The following PTPRD variants were observed in gnomAD, a reference collection of about 807,000 sequenced individuals.
The protein encoded by PTPRD is receptor-type tyrosine-protein phosphatase delta.
PTPRD carries 34 observed loss-of-function variants against 214.5 expected under a neutral mutation model. The ratio of observed to expected loss-of-function variants is 0.16; its 90% confidence interval spans 0.12 to 0.21. The LOEUF is 0.21. PTPRD is among the 10% of genes least tolerant of loss of function. PTPRD has a pLI of 1.00. For missense variants in PTPRD, 2,545 were observed against 2,398.7 expected (o/e 1.06, Z -1.27); for synonymous variants, 1,128 against 845.7 (o/e 1.33, Z -5.79).
chr9:9,692,258 G>A (rs1469664412), intron 7 of PTPRD, among the ~76,000 whole-genome samples: 2 of 151,556 alleles, frequency 1.3e-5, no homozygotes, highest in Non-Finnish European at 2.9e-5. Flanking sequence ...ATAGTTTGAG[G>A]TCTTAGATTT....
chr9:8,923,303 A>G (rs376860637), intron 11 of PTPRD, among the ~76,000 whole-genome samples: 8 of 151,906 alleles, frequency 5.3e-5, no homozygotes, highest in African/African-American at 1.9e-4. Flanking sequence ...CTGCCTCCCT[A>G]AGTGCTGGGA....
chr9:9,949,633 T>A (rs1269417022), intron 4 of PTPRD, among the ~76,000 whole-genome samples: 1 of 151,952 alleles, frequency 6.6e-6, no homozygotes, highest in African/African-American at 2.4e-5. Flanking sequence ...TACTACGGAG[T>A]AGGCATTTTC....
intron 2 of PTPRD, among the ~76,000 whole-genome samples, chr9:10,561,997 T>C (rs781150277): frequency 3.3e-5 from 5 of 152,176 alleles, no homozygotes; most frequent in Non-Finnish European, 7.4e-5. Flanking sequence ...AGAAGGAATA[T>C]TTAAGGCTAC....
intron 3 of PTPRD, among the ~76,000 whole-genome samples, chr9:10,115,643 G>GTT (rs59229223): frequency 0.039 from 5,833 of 151,368 alleles, 185 homozygotes; most frequent in Admixed American, 0.092. Context: ...AACTTTACAA[G>GTT]TTTTTTTTTC....
chr9:8,491,515 T>A (rs968333408), intron 27 of PTPRD, among the ~76,000 whole-genome samples: 1 of 152,184 alleles, frequency 6.6e-6, no homozygotes, highest in African/African-American at 2.4e-5. Flanking sequence ...AAATGTATTT[T>A]CTTCCATTTG....
intron 11 of PTPRD, among the ~76,000 whole-genome samples, chr9:8,931,951 G>T (rs942591898): frequency 7.2e-5 from 11 of 152,158 alleles, no homozygotes; most frequent in South Asian, 2.1e-4. Flanking sequence ...TATTTGCATA[G>T]AGGTATTTAT....
chr9:8,795,831 G>C (rs1263664195), intron 11 of PTPRD, among the ~76,000 whole-genome samples: 3 of 152,040 alleles, frequency 2.0e-5, no homozygotes, highest in African/African-American at 4.8e-5. Context: ...ATCTAGAGGA[G>C]AAGATTATTT....
chr9:9,689,841 A>G (rs1390274586), intron 7 of PTPRD, among the ~76,000 whole-genome samples: 3 of 151,816 alleles, frequency 2.0e-5, no homozygotes. Flanking sequence ...GCTGAATACC[A>G]TTTCATTATG....
chr9:9,000,167 C>T (rs529959552), intron 11 of PTPRD, among the ~76,000 whole-genome samples: 1 of 152,084 alleles, frequency 6.6e-6, no homozygotes, highest in South Asian at 2.1e-4. Flanking sequence ...GCTTTAAATT[C>T]CACCATTGGC....
chr9:9,157,026 A>G (rs1464957007), intron 10 of PTPRD, among the ~76,000 whole-genome samples: 1 of 152,222 alleles, frequency 6.6e-6, no homozygotes, highest in Non-Finnish European at 1.5e-5. Flanking sequence ...TTTGGACAAG[A>G]ATAAATAGCA....
At chr9:8,709,933 C>T (rs1450298215) in intron 12 of PTPRD, among the ~76,000 whole-genome samples, 3 of 152,158 alleles carry the variant, frequency 2.0e-5, no homozygotes, top group African/African-American at 7.2e-5. Context: ...TGAAGTCAGA[C>T]AACCTAGGTA....
At chr9:9,340,326 C>A (rs1414713458) in intron 9 of PTPRD, among the ~76,000 whole-genome samples, 3 of 152,078 alleles carry the variant, frequency 2.0e-5, no homozygotes, top group South Asian at 2.1e-4. Flanking sequence ...TATGAAGTAA[C>A]CAATTTCTTT....
intron 12 of PTPRD, among the ~76,000 whole-genome samples, chr9:8,730,313 C>CT (rs1468173515): frequency 2.0e-5 from 3 of 152,128 alleles, no homozygotes; most frequent in South Asian, 2.1e-4. Context: ...CAGCAAGGCT[C>CT]TTTAACAATA....
intron 3 of PTPRD, among the ~76,000 whole-genome samples, chr9:10,280,389 C>CAT (rs1564989597): frequency 6.0e-5 from 9 of 150,282 alleles, no homozygotes; most frequent in African/African-American, 1.7e-4. Flanking sequence ...CACACACACA[C>CAT]ATGTGAGACA....
intron 7 of PTPRD, among the ~76,000 whole-genome samples, chr9:9,733,974 G>A (rs2761762): frequency 0.82 from 125,069 of 152,038 alleles, 52,366 homozygotes; most frequent in African/African-American, 0.92. Flanking sequence ...ATCTCAACCA[G>A]TACAGCTTTA....
intron 2 of PTPRD, among the ~76,000 whole-genome samples, chr9:10,350,979 G>A (rs1023855458): frequency 3.5e-4 from 53 of 152,274 alleles, no homozygotes; most frequent in African/African-American, 1.2e-3. Flanking sequence ...GCAGAGAAGA[G>A]ATGGGTATAA....
At chr9:9,349,116 G>T (rs1207119800) in intron 9 of PTPRD, among the ~76,000 whole-genome samples, 1 of 152,042 alleles carries the variant, frequency 6.6e-6, no homozygotes, top group East Asian at 1.9e-4. Flanking sequence ...GGTCAGTGGG[G>T]ATGGAAATAT....
chr9:8,394,428 G>A (rs968882186), intron 36 of PTPRD, among the ~76,000 whole-genome samples: 1 of 152,124 alleles, frequency 6.6e-6, no homozygotes, highest in Non-Finnish European at 1.5e-5. Flanking sequence ...TGTAGGTAAA[G>A]TCACGTGTGC....
At chr9:9,285,506 C>A (rs1315948939) in intron 9 of PTPRD, among the ~76,000 whole-genome samples, 1 of 151,828 alleles carries the variant, frequency 6.6e-6, no homozygotes, top group Non-Finnish European at 1.5e-5. Context: ...TCTCTCCAGA[C>A]ATTCCTTGAG....
Sources: gnomAD v4.1 joint callset for allele counts (sites outside exome capture counted in the v4.1 genomes callset) on GRCh38, gnomAD v4.1.1 for gene constraint, MANE v1.5 for transcripts, NCBI Gene and HGNC (gene_info 2026-07-23, HGNC 2026-07-21) for gene names.